RSPO2: variants seen among roughly 807,000 people sequenced by gnomAD.
RSPO2 encodes R-spondin-2.
A neutral mutation model predicts 30.9 loss-of-function variants in RSPO2; 14 were observed. The ratio of observed to expected loss-of-function variants is 0.45; its 90% confidence interval spans 0.30 to 0.71. The LOEUF is 0.71. Ranked by LOEUF, RSPO2 falls within the 30% of genes least tolerant of loss-of-function variation. The probability of loss-of-function intolerance (pLI) is 0.08; values close to 1 mark genes in which losing one functional copy is unlikely to be tolerated. For synonymous variants in RSPO2, 107 were observed against 96.4 expected, an observed-to-expected ratio of 1.11 and a Z score of -0.64; for missense variants, 264 against 301.9, an observed-to-expected ratio of 0.87 and a Z score of 0.93.
chr8:107,901,776 A>T (rs1811478177), intron 5 of RSPO2, among the ~76,000 whole-genome samples: 2 of 152,208 alleles, frequency 1.3e-5, no homozygotes, highest in African/African-American at 4.8e-5. Flanking sequence ...TCTTATCCAA[A>T]TCCCCTGGAC....
intron 2 of RSPO2, among the ~76,000 whole-genome samples, chr8:108,007,759 ACTGTGAAGAGC>A (rs1815498103): frequency 6.6e-6 from 1 of 152,084 alleles, no homozygotes; most frequent in African/African-American, 2.4e-5. Context: ...GTAAATAAAG[ACTGTGAAGAGC>A]CTGAGTTTAG....
Position 107,960,667 on chromosome 8 carries a change from T to C in RSPO2, c.427+7A>G. On this transcript the variant is annotated splice_region_variant and intron_variant, in intron 4 of 5. Coordinates refer to ENST00000276659, the MANE Select transcript of RSPO2 (RefSeq NM_178565.5). ...GCAGATTGAGAGTTACATTAAAAAC[T>C]ACTCACCCACACATTCCATGGTTTC... 6.2e-7 allele frequency: 1 copy of C among 1,605,302 alleles called. No homozygotes were observed. Among genetic ancestry groups the C allele is most frequent in the Non-Finnish European group, 8.5e-7 (1 of 1,177,888 alleles).
intron 5 of RSPO2, among the ~76,000 whole-genome samples, chr8:107,931,426 CAT>C (rs1270391558): frequency 1.3e-5 from 2 of 152,140 alleles, no homozygotes; most frequent in Non-Finnish European, 2.9e-5. Context: ...CATCAAAACA[CAT>C]GATTGTTATC....
At chr8:107,963,868 A>G (rs1048684666) in intron 3 of RSPO2, among the ~76,000 whole-genome samples, 1 of 152,156 alleles carries the variant, frequency 6.6e-6, no homozygotes, top group African/African-American at 2.4e-5. Flanking sequence ...ACTTTTTCAT[A>G]TTTGAGTGCA....
intron 5 of RSPO2, among the ~76,000 whole-genome samples, chr8:107,933,503 T>A (rs1276705353): frequency 6.6e-6 from 1 of 152,190 alleles, no homozygotes; most frequent in Non-Finnish European, 1.5e-5. Flanking sequence ...TGTAAAAAAA[T>A]GTTTTAAGTA....
intron 3 of RSPO2, among the ~76,000 whole-genome samples, chr8:107,966,944 A>G (rs915999646): frequency 1.3e-5 from 2 of 152,238 alleles, no homozygotes; most frequent in Non-Finnish European, 2.9e-5. Context: ...CTTCATGCCC[A>G]TCAGGGCTGT....
At chr8:107,902,440 C>T (rs1036175478) in intron 5 of RSPO2, among the ~76,000 whole-genome samples, 33 of 152,102 alleles carry the variant, frequency 2.2e-4, no homozygotes, top group African/African-American at 8.0e-4. Flanking sequence ...TGTAAAATTA[C>T]ATAACCCAGA....
chr8:107,935,271 T>C (rs776559932), intron 5 of RSPO2, among the ~76,000 whole-genome samples: 3 of 152,162 alleles, frequency 2.0e-5, no homozygotes, highest in Non-Finnish European at 4.4e-5. Flanking sequence ...CTGTAAATCT[T>C]CAAGCTAATT....
chr8:108,028,886 C>G (rs2130629066), intron 2 of RSPO2, among the ~76,000 whole-genome samples: 1 of 152,182 alleles, frequency 6.6e-6, no homozygotes, highest in Non-Finnish European at 1.5e-5. Context: ...GCCTCTATCA[C>G]TTTCATAGCA....
At chr8:107,927,846 G>A (rs557147459) in intron 5 of RSPO2, among the ~76,000 whole-genome samples, 11 of 152,180 alleles carry the variant, frequency 7.2e-5, no homozygotes, top group African/African-American at 2.6e-4. Context: ...AGAGGCCAGT[G>A]ATCATTAATC....
chr8:108,020,435 C>T (rs1327550697), intron 2 of RSPO2, among the ~76,000 whole-genome samples: 1 of 152,140 alleles, frequency 6.6e-6, no homozygotes, highest in Admixed American at 6.6e-5. Context: ...AAAAATCCAC[C>T]GTATTCCCTA....
At chr8:108,066,182 C>T (rs772089546) in intron 2 of RSPO2, among the ~76,000 whole-genome samples, 10 of 152,218 alleles carry the variant, frequency 6.6e-5, no homozygotes, top group Non-Finnish European at 1.0e-4. Flanking sequence ...TCTCAGGTGA[C>T]ATTACTTGTA....
chr8:107,954,190 C>T (rs1813339235), intron 5 of RSPO2, among the ~76,000 whole-genome samples: 1 of 152,134 alleles, frequency 6.6e-6, no homozygotes, highest in Non-Finnish European at 1.5e-5. Context: ...GTTGGTCAAT[C>T]CTCCTGTGAA....
chr8:108,046,916 T>C (rs1169510022), intron 2 of RSPO2, among the ~76,000 whole-genome samples: 6 of 152,124 alleles, frequency 3.9e-5, no homozygotes, highest in African/African-American at 1.4e-4. Context: ...AAAATAAATA[T>C]ATATAGTAAT....
chr8:107,913,679 C>T (rs17311146), intron 5 of RSPO2, among the ~76,000 whole-genome samples: 18,168 of 152,094 alleles, frequency 0.12, 1,424 homozygotes, highest in Middle Eastern at 0.31. Context: ...ATATCTTTGT[C>T]TATAACTACC....
At chr8:108,046,419 G>A (rs1005092393) in intron 2 of RSPO2, among the ~76,000 whole-genome samples, 1 of 152,068 alleles carries the variant, frequency 6.6e-6, no homozygotes, top group Non-Finnish European at 1.5e-5. Context: ...AGAAAATTAT[G>A]TATTCAGTGG....
At chr8:108,076,812 GAAAT>G (rs1249188133) in intron 2 of RSPO2, among the ~76,000 whole-genome samples, 3 of 152,188 alleles carry the variant, frequency 2.0e-5, no homozygotes, top group African/African-American at 7.2e-5. Context: ...ACTTTATGTA[GAAAT>G]GACAGTTCGA....
At chr8:107,950,399 C>T (rs2047198) in intron 5 of RSPO2, among the ~76,000 whole-genome samples, 81,204 of 151,712 alleles carry the variant, frequency 0.54, 23,816 homozygotes, top group East Asian at 0.7. Context: ...TCAACCAACA[C>T]AGATCTAAAT....
rs982284416 is a variant in RSPO2, at chr8:107,957,478, A to G, written c.616+602T>C. Among the ~76,000 whole-genome samples, 4 of 152,210 alleles carry G rather than the reference A, an allele frequency of 2.6e-5. No homozygotes were observed. The East Asian group carries it at 5.8e-4, about 22-fold the overall frequency. On this transcript the variant is annotated intron_variant, in intron 5 of 5. Coordinates refer to ENST00000276659, the MANE Select transcript of RSPO2 (RefSeq NM_178565.5). ...GGCCTAATCCTGTTATTACAGAATA[A>G]TTACTGCAAATCAGCACAATTACTA... is the stretch of plus-strand genomic sequence containing the variant.
Sources: allele counts gnomAD v4.1 joint callset (sites outside exome capture counted in the v4.1 genomes callset), GRCh38; gene constraint gnomAD v4.1.1; transcripts MANE v1.5; gene names NCBI Gene and HGNC (gene_info 2026-07-23, HGNC 2026-07-21).